The following RBFOX3 variants were observed in gnomAD, a reference collection of about 807,000 sequenced individuals.
RBFOX3 encodes the protein RNA binding fox-1 homolog 3.
RBFOX3 carries 17 observed loss-of-function variants against 48.7 expected under a neutral mutation model. The observed-to-expected ratio is 0.35, with a 90% CI of 0.24 to 0.52. The LOEUF is 0.52. RBFOX3 is among the 20% of genes least tolerant of loss of function. The probability of loss-of-function intolerance (pLI) is 0.94; values close to 1 mark genes in which losing one functional copy is unlikely to be tolerated. For missense variants in RBFOX3, 382 were observed against 497.5 expected (o/e 0.77, Z 2.21); for synonymous variants, 212 against 209.5 (o/e 1.01, Z -0.10).
intron 1 of RBFOX3, among the ~76,000 whole-genome samples, chr17:79,586,093 C>T (rs1248066172): frequency 6.6e-6 from 1 of 152,226 alleles, no homozygotes; most frequent in Non-Finnish European, 1.5e-5. Context: ...ATTCCCTTTG[C>T]AATGTGACTT....
At chr17:79,260,163 T>C (rs1439131272) in intron 3 of RBFOX3, among the ~76,000 whole-genome samples, 1 of 151,872 alleles carries the variant, frequency 6.6e-6, no homozygotes, top group African/African-American at 2.4e-5. Flanking sequence ...GGTTTAATCA[T>C]CAAATAAGGA....
chr17:79,545,486 G>A (rs1012806351), intron 1 of RBFOX3, among the ~76,000 whole-genome samples: 9 of 152,174 alleles, frequency 5.9e-5, no homozygotes, highest in African/African-American at 2.2e-4. Context: ...CCCCACTTCG[G>A]CCACCTTGGC....
intron 4 of RBFOX3, among the ~76,000 whole-genome samples, chr17:79,148,844 C>T (rs1418102525): frequency 6.6e-6 from 1 of 152,166 alleles, no homozygotes; most frequent in Non-Finnish European, 1.5e-5. Flanking sequence ...GCCAAAGTCC[C>T]CAGAGGATGG....
chr17:79,466,110 G>A (rs1598819013), intron 2 of RBFOX3, among the ~76,000 whole-genome samples: 1 of 152,334 alleles, frequency 6.6e-6, no homozygotes, highest in Admixed American at 6.5e-5. Flanking sequence ...CAAGGTCCCA[G>A]ACCCGGCCTC....
intron 4 of RBFOX3, among the ~76,000 whole-genome samples, chr17:79,167,228 G>T (rs761037558): frequency 1.3e-5 from 2 of 152,166 alleles, no homozygotes; most frequent in Non-Finnish European, 2.9e-5. Context: ...ACAAGCCCAG[G>T]TACAGTGCCA....
intron 4 of RBFOX3, among the ~76,000 whole-genome samples, chr17:79,185,821 A>G (rs1599866262): frequency 6.6e-6 from 1 of 152,208 alleles, no homozygotes; most frequent in Non-Finnish European, 1.5e-5. Flanking sequence ...GTTTTTCCTT[A>G]TTGAGAACCC....
At position 79,471,262 on chromosome 17, in the gene RBFOX3, C is replaced by A. The variant is rs1476776098; in HGVS notation, c.-175+11192G>T. On this transcript the variant is annotated intron_variant, in intron 2 of 14. Transcript: ENST00000693108. The surrounding 1 kb of genome is among the most constrained non-coding windows in gnomAD (Gnocchi z 4.0). Reference sequence around the variant, plus strand: ...CTCTCAGCTCATGGAAAGCGGGGTACGTGACCAGCACTGGCCAGGGTGCGA... The same window carrying A: ...CTCTCAGCTCATGGAAAGCGGGGTAAGTGACCAGCACTGGCCAGGGTGCGA... 6.6e-6 allele frequency among the ~76,000 whole-genome samples: 1 copy of A among 152,126 alleles called. No homozygotes were observed. Among genetic ancestry groups the A allele is most frequent in the Non-Finnish European group, 1.5e-5 (1 of 68,030 alleles).
At position 79,480,940 on chromosome 17, in the gene RBFOX3, AACAGGGCTCAGC is replaced by A. The variant is rs1318349841; in HGVS notation, c.-175+1502_-175+1513del. On this transcript the variant is annotated intron_variant, in intron 2 of 14. Coordinates refer to ENST00000693108, the MANE Select transcript of RBFOX3 (RefSeq NM_001350451.2). The surrounding 1 kb of genome is among the most constrained non-coding windows in gnomAD (Gnocchi z 4.8). ...TCTCCACTGCGTCTCCAGCACCCCA[AACAGGGCTCAGC>A]ACATCGGGGGCTCAAGGTTGTGGAA... is the stretch of plus-strand genomic sequence containing the variant. Among the ~76,000 whole-genome samples the A allele has an allele frequency of 6.6e-6, 1 of 152,200 alleles. No homozygotes were observed.
At chr17:79,172,694 C>T (rs2049608734) in intron 4 of RBFOX3, among the ~76,000 whole-genome samples, 1 of 152,134 alleles carries the variant, frequency 6.6e-6, no homozygotes. Context: ...ACCAGGAGAC[C>T]CATATGACTA....
intron 1 of RBFOX3, among the ~76,000 whole-genome samples, chr17:79,487,397 C>T (rs1412014957): frequency 2.6e-5 from 4 of 152,228 alleles, no homozygotes; most frequent in South Asian, 4.2e-4. Flanking sequence ...CTGCAGAGGC[C>T]GGGTGGCGGG....
At chr17:79,200,368 C>T (rs1292611297) in intron 4 of RBFOX3, among the ~76,000 whole-genome samples, 1 of 152,220 alleles carries the variant, frequency 6.6e-6, no homozygotes, top group Non-Finnish European at 1.5e-5. Flanking sequence ...GCCTCTTGAT[C>T]AGGCAGCAGG....
At chr17:79,560,865 G>C (rs1247722339) in intron 1 of RBFOX3, among the ~76,000 whole-genome samples, 1 of 152,158 alleles carries the variant, frequency 6.6e-6, no homozygotes, top group African/African-American at 2.4e-5. Flanking sequence ...GCTGCCCCAG[G>C]GGGTAGGAAG....
chr17:79,441,167 G>A (rs2070830972), intron 2 of RBFOX3, among the ~76,000 whole-genome samples: 1 of 152,208 alleles, frequency 6.6e-6, no homozygotes, highest in Non-Finnish European at 1.5e-5. Flanking sequence ...ATCAGGAGAG[G>A]GAAATAAACT....
At chr17:79,566,450 T>C (rs1297099761) in intron 1 of RBFOX3, among the ~76,000 whole-genome samples, 1 of 152,206 alleles carries the variant, frequency 6.6e-6, no homozygotes, top group Non-Finnish European at 1.5e-5. Context: ...AGACCAGCTT[T>C]GGCCCAGCAC....
At chr17:79,561,059 A>T (rs2092181499) in intron 1 of RBFOX3, among the ~76,000 whole-genome samples, 1 of 152,146 alleles carries the variant, frequency 6.6e-6, no homozygotes, top group Non-Finnish European at 1.5e-5. Flanking sequence ...CTGCACCCTC[A>T]AAGGAGGATG....
chr17:79,245,259 T>G (rs1003127520), intron 3 of RBFOX3, among the ~76,000 whole-genome samples: 5 of 152,218 alleles, frequency 3.3e-5, no homozygotes, highest in South Asian at 4.1e-4. Context: ...TTCACCTTGT[T>G]GTCCAGGCTG....
At chr17:79,210,414 C>T (rs547030017) in intron 4 of RBFOX3, among the ~76,000 whole-genome samples, 9 of 152,256 alleles carry the variant, frequency 5.9e-5, no homozygotes, top group East Asian at 1.9e-4. Flanking sequence ...TATACAGAGA[C>T]GGCTTCCCTT....
At chr17:79,442,290 GGAGGGA>G (rs2071181260) in intron 2 of RBFOX3, among the ~76,000 whole-genome samples, 2 of 16,450 alleles carry the variant, frequency 1.2e-4, no homozygotes, top group African/African-American at 2.6e-4. Flanking sequence ...AGGGAGAGAG[GGAGGGA>G]GAGAGAGGGA....
At chr17:79,367,532 C>G (rs144186192) in intron 2 of RBFOX3, among the ~76,000 whole-genome samples, 1 of 152,052 alleles carries the variant, frequency 6.6e-6, no homozygotes, top group African/African-American at 2.4e-5. Context: ...CAGGAGAGAC[C>G]GAGACAAGAG....
Sources: gnomAD v4.1 joint callset for allele counts (sites outside exome capture counted in the v4.1 genomes callset) on GRCh38, gnomAD v4.1.1 for gene constraint, Gnocchi (gnomAD v3.1) non-coding constraint, MANE v1.5 for transcripts, NCBI Gene and HGNC (gene_info 2026-07-23, HGNC 2026-07-21) for gene names.